The following SCEL variants were observed in gnomAD, a reference collection of about 807,000 sequenced individuals.
The protein encoded by SCEL is sciellin.
Under a neutral mutation model 117.6 loss-of-function variants are expected in SCEL, and 113 were observed. The observed-to-expected ratio is 0.96, with a 90% confidence interval of 0.83 to 1.12. SCEL has a LOEUF of 1.12. Among genes scored for constraint, SCEL ranks in the 50% most tolerant of loss-of-function variants. SCEL has a pLI of 0.00. For missense variants in SCEL, 785 were observed against 810.8 expected, an observed-to-expected ratio of 0.97 and a Z score of 0.39; for synonymous variants, 270 against 256.2, an observed-to-expected ratio of 1.05 and a Z score of -0.51.
At chr13:77,595,318 G>A (rs540122378) in intron 12 of SCEL, among the ~76,000 whole-genome samples, 1 of 152,262 alleles carries the variant, frequency 6.6e-6, no homozygotes, top group South Asian at 2.1e-4. Flanking sequence ...AGTAGAAATG[G>A]CTTTAGTTAT....
At chr13:77,567,459 A>C (rs2085352531) in intron 5 of SCEL, among the ~76,000 whole-genome samples, 1 of 152,246 alleles carries the variant, frequency 6.6e-6, no homozygotes, top group African/African-American at 2.4e-5. Flanking sequence ...ATCTCAAAAA[A>C]TAAAATAAAA....
chr13:77,558,319 G>A (rs1203130675), intron 3 of SCEL, among the ~76,000 whole-genome samples: 1 of 152,090 alleles, frequency 6.6e-6, no homozygotes, highest in African/African-American at 2.4e-5. Context: ...CCCAGTTCTG[G>A]GCTGTGTGTT....
chr13:77,587,699 T>C (rs1042597701), intron 9 of SCEL, among the ~76,000 whole-genome samples: 3 of 152,188 alleles, frequency 2.0e-5, no homozygotes, highest in African/African-American at 7.2e-5. Flanking sequence ...CTCGCTTGGC[T>C]TCTGGGATGC....
intron 19 of SCEL, among the ~76,000 whole-genome samples, chr13:77,605,172 C>T (rs1039587787): frequency 1.3e-5 from 2 of 152,170 alleles, no homozygotes; most frequent in African/African-American, 2.4e-5. Flanking sequence ...TGTAGTTTCC[C>T]TTGAATTCCT....
At chr13:77,628,990 A>G (rs772891123) in intron 28 of SCEL, among the ~76,000 whole-genome samples, 9 of 152,194 alleles carry the variant, frequency 5.9e-5, no homozygotes, top group Non-Finnish European at 1.0e-4. Flanking sequence ...CTTACATTTA[A>G]CTAATCTCAT....
intron 1 of SCEL, among the ~76,000 whole-genome samples, chr13:77,545,939 C>A (rs2083963351): frequency 6.6e-6 from 1 of 152,264 alleles, no homozygotes; most frequent in Non-Finnish European, 1.5e-5. Flanking sequence ...AAAAACCCAG[C>A]ATCCTTATGA....
intron 24 of SCEL, among the ~76,000 whole-genome samples, chr13:77,616,189 TC>T (rs1188747921): frequency 6.6e-6 from 1 of 151,990 alleles, no homozygotes; most frequent in Non-Finnish European, 1.5e-5. Flanking sequence ...AAATGGAAGT[TC>T]TAGTGGATTT....
chr13:77,601,946 T>A, intron 15 of SCEL, 119 bp from the exon 16 acceptor site: 1 of 704,392 alleles, frequency 1.4e-6, no homozygotes, highest in South Asian at 2.1e-5. Flanking sequence ...GCACTGATTG[T>A]ATCTTATGAG....
rs1254838691 is a variant in SCEL, at chr13:77,556,543, A to T, written c.44-53A>T. The T allele has an allele frequency of 2.0e-6, 3 of 1,475,216 alleles. No homozygotes were observed. In the Admixed American group the frequency reaches 5.0e-5, roughly 25 times the overall value. The allele number at this position is 1,475,216 out of a possible 1,614,324, so 91.4% of individuals were successfully genotyped here. A position where few individuals can be genotyped will look rare whatever the true frequency, so the allele number is the denominator to read the frequency against. ...TCAGGATTTTCAGGTTAACAAGCCC[A>T]CGCTCAACTCCACACTATTACATCT... On this transcript the variant is annotated intron_variant, in intron 2 of 32. Transcript: ENST00000349847.
chr13:77,553,348 T>C (rs1322544686), intron 1 of SCEL, among the ~76,000 whole-genome samples: 2 of 152,180 alleles, frequency 1.3e-5, no homozygotes, highest in Non-Finnish European at 2.9e-5. Context: ...TCTCTGCAGA[T>C]GTATCATTAA....
chr13:77,585,022 C>T (rs962692270), intron 9 of SCEL, among the ~76,000 whole-genome samples: 9 of 152,202 alleles, frequency 5.9e-5, no homozygotes, highest in Non-Finnish European at 1.3e-4. Context: ...ATGGGATTGA[C>T]AGTGGAATTC....
At chr13:77,591,240 G>C (rs993352493) in intron 10 of SCEL, among the ~76,000 whole-genome samples, 155 bp from the exon 11 acceptor site, 1 of 152,022 alleles carries the variant, frequency 6.6e-6, no homozygotes. Flanking sequence ...TGGAGTTCCC[G>C]CCAACCCAAA....
chr13:77,601,962 C>G lies in SCEL; in HGVS notation c.918-103C>G. On this transcript the variant is annotated intron_variant, in intron 15 of 32. Transcript: ENST00000349847. ...CACTGATTGTATCTTATGAGATTCT[C>G]TTGTGGGAAATCTGCTGTTGTCATT... 4.8e-6 allele frequency: 4 copies of G among 835,150 alleles called. No homozygotes were observed. The Admixed American group carries it at 7.9e-5, about 17-fold the overall frequency. 51.7% of individuals were successfully genotyped at this position (835,150 alleles called of 1,614,324 possible).
At chr13:77,557,133 T>C (rs974223102) in intron 3 of SCEL, among the ~76,000 whole-genome samples, 2 of 152,214 alleles carry the variant, frequency 1.3e-5, no homozygotes, top group African/African-American at 4.8e-5. Flanking sequence ...AATTTTGGTA[T>C]GTACAAGAGA....
intron 1 of SCEL, among the ~76,000 whole-genome samples, chr13:77,536,867 A>C (rs1182762): frequency 0.043 from 6,500 of 152,316 alleles, 466 homozygotes; most frequent in African/African-American, 0.15. Context: ...ACCAGTGCTC[A>C]TTTCCCAAAG....
At position 77,617,851 on chromosome 13, in the gene SCEL, A is replaced by C; in HGVS notation, c.1560A>C (p.Arg520Ser). The C allele has an allele frequency of 6.2e-7, 1 of 1,610,600 alleles. No individual in the cohort carries two copies. The highest frequency in any genetic ancestry group is 8.5e-7 in the Non-Finnish European group (1 of 1,177,516). Residue 520 changes from arginine to serine, a missense_variant, in exon 26 of 33, where the codon AGA becomes AGC. Coordinates refer to ENST00000349847, the MANE Select transcript of SCEL (RefSeq NM_144777.3). ...NLIKVNPAVI[R>S]NNQSQDLDNL... is the part of the protein sequence containing the mutation. ...TCAAAGTAAATCCTGCAGTAATCAG[A>C]AACAATCAGAGGTATATATAGAAGC... is the stretch of plus-strand genomic sequence containing the variant.
At chr13:77,586,600 C>T (rs1471463710) in intron 9 of SCEL, among the ~76,000 whole-genome samples, 3 of 152,146 alleles carry the variant, frequency 2.0e-5, no homozygotes, top group African/African-American at 7.2e-5. Context: ...GTAAACGTGG[C>T]TAATGGTAAA....
intron 31 of SCEL, among the ~76,000 whole-genome samples, 187 bp from the exon 32 acceptor site, chr13:77,642,519 T>C (rs780828674): frequency 4.7e-4 from 71 of 152,154 alleles, no homozygotes; most frequent in Non-Finnish European, 8.4e-4. Flanking sequence ...AGATATTGAG[T>C]GGTCATCTTG....
intron 4 of SCEL, among the ~76,000 whole-genome samples, chr13:77,562,214 C>T (rs2154396549): frequency 6.6e-6 from 1 of 152,172 alleles, no homozygotes; most frequent in Admixed American, 6.5e-5. Context: ...CATGTTGAAA[C>T]ATGTCTTATT....
Sources: allele counts gnomAD v4.1 joint callset (sites outside exome capture counted in the v4.1 genomes callset), GRCh38; gene constraint gnomAD v4.1.1; transcripts MANE v1.5; gene names NCBI Gene and HGNC (gene_info 2026-07-23, HGNC 2026-07-21).